The following EPS15L1 variants were observed in gnomAD, a reference collection of about 807,000 sequenced individuals.
EPS15L1 encodes epidermal growth factor receptor pathway substrate 15 like 1.
Under a neutral mutation model 117.1 loss-of-function variants are expected in EPS15L1, and 43 were observed. The observed-to-expected ratio is 0.37, with a 90% CI of 0.29 to 0.47. The LOEUF (loss-of-function observed/expected upper bound fraction) is 0.47, where lower values mean the gene tolerates loss of function less well. Ranked by LOEUF, EPS15L1 falls within the 20% of genes least tolerant of loss-of-function variation. The pLI is 0.99. For synonymous variants in EPS15L1, 459 were observed against 470.5 expected (o/e 0.98, Z 0.32); for missense variants, 981 against 1,164.0 (o/e 0.84, Z 2.29).
intron 8 of EPS15L1, among the ~76,000 whole-genome samples, chr19:16,428,072 G>C (rs1381837953): frequency 1.3e-5 from 2 of 149,888 alleles, no homozygotes; most frequent in Non-Finnish European, 3.0e-5. Context: ...ATAGTGGCAG[G>C]TGCCTGTAAT....
intron 7 of EPS15L1, among the ~76,000 whole-genome samples, chr19:16,433,407 C>T (rs565543529): frequency 1.1e-4 from 16 of 152,162 alleles, no homozygotes; most frequent in African/African-American, 2.4e-5. Flanking sequence ...GCTGGGATTA[C>T]GGGCGTGAGC....
At chr19:16,417,907 A>C (rs2092774755) in intron 11 of EPS15L1, 41 bp downstream of exon 11, 2 of 1,583,298 alleles carry the variant, frequency 1.3e-6, no homozygotes, top group Non-Finnish European at 1.7e-6. Context: ...GGCGGTGGGA[A>C]GGGATGTCAA....
intron 22 of EPS15L1, among the ~76,000 whole-genome samples, chr19:16,367,207 G>A (rs552167987): frequency 1.3e-5 from 2 of 151,174 alleles, no homozygotes; most frequent in African/African-American, 4.9e-5. Flanking sequence ...CACCTGGTTC[G>A]ATGCCATCAA....
intron 19 of EPS15L1, among the ~76,000 whole-genome samples, chr19:16,390,823 A>T (rs1410163570): frequency 6.6e-6 from 1 of 152,240 alleles, no homozygotes; most frequent in East Asian, 1.9e-4. Context: ...TAAAGTATTC[A>T]AATATATGAA....
rs2093077291 is a variant in EPS15L1 at position 16,445,787 on chromosome 19, G to T, written c.34-3568C>A. The stretch of plus-strand genomic sequence containing the variant: ...CCAAGCCCGAGGCAACAGCAGAGAG[G>T]GGACGCACCAGGGGATGAGGCCTGC... On this transcript the variant is annotated intron_variant, in intron 1 of 23. Coordinates refer to ENST00000455140, the MANE Select transcript of EPS15L1 (RefSeq NM_001258374.3). Among the ~76,000 whole-genome samples the T allele has an allele frequency of 2.0e-5, 3 of 152,298 alleles. No individual in the cohort carries two copies. In the South Asian group the frequency reaches 6.2e-4, roughly 32 times the overall value.
At chr19:16,428,902 C>A (rs903886315) in intron 7 of EPS15L1, 141 bp from the exon 8 acceptor site, 8 of 639,536 alleles carry the variant, frequency 1.3e-5, no homozygotes, top group African/African-American at 3.7e-5. Context: ...AGGACCAGTC[C>A]GCGAGTTCTC....
Position 16,440,891 on chromosome 19 carries a change from G to C in EPS15L1, c.184C>G (p.Pro62Ala). The stretch of plus-strand genomic sequence containing the variant: ...TTGTCCAAGAACCCTTTACCTTCTG[G>C]ATCGGCCAAGTCCCATATCTGCGGA... ...ILGKIWDLADPEGKGFLDKQG... is the reference protein window; with the variant it reads ...ILGKIWDLADAEGKGFLDKQG... Residue 62 changes from proline (P) to alanine (A), a missense_variant, in exon 4 of 24, where the codon CCA (proline) becomes GCA (alanine). Physicochemically the swap from Pro to Ala is conservative, Grantham distance 27. Transcript: ENST00000455140. 1.2e-6 allele frequency: 2 copies of C among 1,614,118 alleles called. No individual in the cohort carries two copies. The highest frequency in any genetic ancestry group is 1.7e-6 in the Non-Finnish European group (2 of 1,180,004).
chr19:16,429,494 C>A (rs2092908695), intron 7 of EPS15L1, among the ~76,000 whole-genome samples: 1 of 152,300 alleles, frequency 6.6e-6, no homozygotes, highest in East Asian at 1.9e-4. Context: ...ATCACCAGGG[C>A]TTCAGTCCAT....
At chr19:16,445,414 T>C (rs2093073723) in intron 1 of EPS15L1, among the ~76,000 whole-genome samples, 1 of 152,140 alleles carries the variant, frequency 6.6e-6, no homozygotes, top group African/African-American at 2.4e-5. Context: ...GTCAGAGGTT[T>C]TGATCTAATT....
At chr19:16,361,309 C>T (rs753484194) in intron 23 of EPS15L1, among the ~76,000 whole-genome samples, 2 of 151,656 alleles carry the variant, frequency 1.3e-5, no homozygotes, top group African/African-American at 2.4e-5. Flanking sequence ...TGCCTGAAGT[C>T]CTTCAATTTG....
At chr19:16,430,771 G>A (rs138370661) in intron 7 of EPS15L1, among the ~76,000 whole-genome samples, 2 of 152,304 alleles carry the variant, frequency 1.3e-5, no homozygotes, top group East Asian at 1.9e-4. Flanking sequence ...ATGCAAGTGC[G>A]CACGGATGAA....
chr19:16,428,038 T>G (rs2092889792), intron 8 of EPS15L1, among the ~76,000 whole-genome samples: 1 of 138,794 alleles, frequency 7.2e-6, no homozygotes, highest in South Asian at 2.3e-4. Context: ...CTGTCTCTAC[T>G]AAAAATACAA....
intron 22 of EPS15L1, among the ~76,000 whole-genome samples, chr19:16,363,399 C>T (rs762937540): frequency 6.6e-6 from 1 of 152,214 alleles, no homozygotes; most frequent in Non-Finnish European, 1.5e-5. Flanking sequence ...CCCCGCCCAC[C>T]ACCTGAGCCT....
At chr19:16,451,084 G>A (rs1599671209) in intron 1 of EPS15L1, among the ~76,000 whole-genome samples, 2 of 151,946 alleles carry the variant, frequency 1.3e-5, no homozygotes, top group African/African-American at 4.8e-5. Context: ...CCGAGTAGCT[G>A]GGATTACAGG....
At chr19:16,394,801 TA>T (rs1004313196) in intron 17 of EPS15L1, among the ~76,000 whole-genome samples, 6 of 152,256 alleles carry the variant, frequency 3.9e-5, no homozygotes, top group Non-Finnish European at 8.8e-5. Flanking sequence ...GAAACTGAAG[TA>T]CTGAAGGGTT....
rs750537248 is a variant in EPS15L1, at chr19:16,403,752, G to A, written c.1607C>T (p.Thr536Met). The A allele has an allele frequency of 7.4e-6, 12 of 1,613,002 alleles. No homozygotes were observed. The highest frequency in any genetic ancestry group is 1.6e-4 in the Middle Eastern group (1 of 6,084). The change falls in exon 15 of 24, where the codon ACG (threonine) becomes ATG (methionine). Residue 536 changes from threonine (T) to methionine (M), a missense_variant. Coordinates refer to ENST00000455140, the MANE Select transcript of EPS15L1 (RefSeq NM_001258374.3). Reference sequence around the variant, plus strand: ...AAGTACCTGGTTGATTTCGTCTTGCGTTGACTTCAGGGACTTGATGATGGT... The same window carrying A: ...AAGTACCTGGTTGATTTCGTCTTGCATTGACTTCAGGGACTTGATGATGGT... ...LETIIKSLKS[T>M]QDEINQARSK...
chr19:16,449,586 C>T (rs1319875188), intron 1 of EPS15L1, among the ~76,000 whole-genome samples: 1 of 151,534 alleles, frequency 6.6e-6, no homozygotes, highest in Admixed American at 6.7e-5. Context: ...CTTAAAACAA[C>T]AACAACAAAA....
intron 23 of EPS15L1, among the ~76,000 whole-genome samples, chr19:16,359,647 G>A (rs1319119490): frequency 6.6e-6 from 1 of 152,180 alleles, no homozygotes; most frequent in Non-Finnish European, 1.5e-5. Context: ...GATCATTTGA[G>A]CCCAGAGTTC....
At chr19:16,358,480 G>A (rs2092011338) in intron 23 of EPS15L1, among the ~76,000 whole-genome samples, 1 of 152,180 alleles carries the variant, frequency 6.6e-6, no homozygotes, top group African/African-American at 2.4e-5. Flanking sequence ...AATAGTGGCT[G>A]GGAAACACAC....
Sources: allele counts gnomAD v4.1 joint callset (sites outside exome capture counted in the v4.1 genomes callset), GRCh38; gene constraint gnomAD v4.1.1; transcripts MANE v1.5; gene names NCBI Gene and HGNC (gene_info 2026-07-23, HGNC 2026-07-21).